NDST3: variants seen among roughly 807,000 people sequenced by gnomAD.
NDST3 encodes the protein bifunctional heparan sulfate N-deacetylase/N-sulfotransferase 3.
NDST3 carries 58 observed loss-of-function variants against 96.1 expected under a neutral mutation model. The observed-to-expected ratio is 0.60, with a 90% CI of 0.49 to 0.75. The LOEUF (loss-of-function observed/expected upper bound fraction) is 0.75, where lower values mean the gene tolerates loss of function less well. NDST3 is among the 30% of genes least tolerant of loss of function. The probability of loss-of-function intolerance (pLI) is 0.00; values close to 1 mark genes in which losing one functional copy is unlikely to be tolerated. For synonymous variants in NDST3, 333 were observed against 359.7 expected (o/e 0.93, Z 0.84); for missense variants, 788 against 1,034.2 (o/e 0.76, Z 3.27).
chr4:118,065,028 A>G (rs1296803131), intron 2 of NDST3, among the ~76,000 whole-genome samples: 1 of 152,132 alleles, frequency 6.6e-6, no homozygotes, highest in East Asian at 1.9e-4. Flanking sequence ...GCCCACCTGG[A>G]TAATCCAGAA....
chr4:118,105,132 A>C, intron 3 of NDST3, 27 bp downstream of exon 3: 2 of 1,541,626 alleles, frequency 1.3e-6, no homozygotes, highest in Non-Finnish European at 9.0e-7. Context: ...AACTGTTCTC[A>C]TTAAGGCTTC....
chr4:118,226,385 A>G (rs796455985), intron 7 of NDST3, among the ~76,000 whole-genome samples: 1 of 152,278 alleles, frequency 6.6e-6, no homozygotes, highest in African/African-American at 2.4e-5. Flanking sequence ...ACATTTATCA[A>G]CCTTTGACGG....
chr4:118,135,282 A>G (rs1236454460), intron 4 of NDST3, among the ~76,000 whole-genome samples: 1 of 152,122 alleles, frequency 6.6e-6, no homozygotes, highest in Non-Finnish European at 1.5e-5. Context: ...AGTGGGGTAG[A>G]AGTCAGAGTT....
At chr4:118,192,094 A>C (rs1460217617) in intron 6 of NDST3, among the ~76,000 whole-genome samples, 2 of 152,184 alleles carry the variant, frequency 1.3e-5, no homozygotes, top group Non-Finnish European at 2.9e-5. Context: ...CCTTTGAGAA[A>C]TGTCTTTTCA....
At chr4:118,174,324 C>T (rs753853916) in intron 6 of NDST3, among the ~76,000 whole-genome samples, 4 of 152,092 alleles carry the variant, frequency 2.6e-5, no homozygotes, top group Non-Finnish European at 5.9e-5. Flanking sequence ...AAAAAAGGAG[C>T]TCAAGCTTTA....
intron 2 of NDST3, among the ~76,000 whole-genome samples, chr4:118,087,812 G>A (rs757353058): frequency 6.6e-6 from 1 of 152,076 alleles, no homozygotes; most frequent in Non-Finnish European, 1.5e-5. Context: ...CTCCCAAGGA[G>A]AGACAGTTCC....
intron 6 of NDST3, among the ~76,000 whole-genome samples, chr4:118,159,513 C>G (rs755531953): frequency 2.6e-5 from 4 of 151,930 alleles, no homozygotes; most frequent in South Asian, 2.1e-4. Context: ...ATGCACAGAC[C>G]ACAACAAAAG....
intron 3 of NDST3, among the ~76,000 whole-genome samples, chr4:118,107,140 C>G (rs1237792847): frequency 1.3e-5 from 2 of 151,978 alleles, no homozygotes; most frequent in Admixed American, 1.3e-4. Flanking sequence ...AATTAGCACC[C>G]AGTATTGAAA....
At chr4:118,175,847 T>C (rs892182634) in intron 6 of NDST3, among the ~76,000 whole-genome samples, 4 of 152,128 alleles carry the variant, frequency 2.6e-5, no homozygotes, top group African/African-American at 9.7e-5. Flanking sequence ...AGAAGAGACT[T>C]TATGTAAATG....
intron 6 of NDST3, among the ~76,000 whole-genome samples, chr4:118,153,877 A>C (rs1177369734): frequency 6.6e-6 from 1 of 152,174 alleles, no homozygotes; most frequent in Non-Finnish European, 1.5e-5. Context: ...TGATCTTCTC[A>C]ATGGGAAAAG....
chr4:118,082,025 A>T (rs1330964299), intron 2 of NDST3, among the ~76,000 whole-genome samples: 1 of 152,148 alleles, frequency 6.6e-6, no homozygotes, highest in Non-Finnish European at 1.5e-5. Flanking sequence ...TATATTTATT[A>T]GTTTTCCATG....
intron 2 of NDST3, among the ~76,000 whole-genome samples, chr4:118,082,690 C>G (rs1242288463): frequency 1.3e-5 from 2 of 152,108 alleles, no homozygotes; most frequent in African/African-American, 4.8e-5. Flanking sequence ...AGCAAAGGCA[C>G]TAAGTGTCTC....
chr4:118,245,695 A>C (rs1465252542), intron 12 of NDST3, among the ~76,000 whole-genome samples: 1 of 152,216 alleles, frequency 6.6e-6, no homozygotes, highest in African/African-American at 2.4e-5. Context: ...CTGAGTAGGG[A>C]AAAGAAAAAA....
chr4:118,197,806 T>G (rs1431574109), intron 6 of NDST3, among the ~76,000 whole-genome samples: 1 of 146,058 alleles, frequency 6.8e-6, no homozygotes, highest in Non-Finnish European at 1.5e-5. Flanking sequence ...CTTTTGGCTT[T>G]TTTTTTTTTT....
At chr4:118,218,150 C>G (rs985647178) in intron 6 of NDST3, among the ~76,000 whole-genome samples, 10 of 152,108 alleles carry the variant, frequency 6.6e-5, no homozygotes, top group Admixed American at 3.9e-4. Flanking sequence ...TGAAACTATT[C>G]CAAACAATTG....
At chr4:118,158,087 A>C (rs1734834022) in intron 6 of NDST3, among the ~76,000 whole-genome samples, 1 of 152,202 alleles carries the variant, frequency 6.6e-6, no homozygotes, top group Admixed American at 6.5e-5. Flanking sequence ...TATGGAAAGA[A>C]GGATAATAAG....
chr4:118,104,035 A>G (rs143165072), intron 2 of NDST3, among the ~76,000 whole-genome samples: 42 of 152,302 alleles, frequency 2.8e-4, no homozygotes, highest in African/African-American at 1.0e-3. Flanking sequence ...AGTTGGGACC[A>G]TAAACATGAT....
At chr4:118,198,763 C>CT (rs149648196) in intron 6 of NDST3, among the ~76,000 whole-genome samples, 4 of 151,084 alleles carry the variant, frequency 2.6e-5, no homozygotes, top group African/African-American at 7.3e-5. Context: ...AATCCCTCAA[C>CT]TTTTTTTTTG....
At chr4:118,247,444 C>G (rs1459399079) in intron 12 of NDST3, among the ~76,000 whole-genome samples, 2 of 151,904 alleles carry the variant, frequency 1.3e-5, no homozygotes, top group Non-Finnish European at 2.9e-5. Flanking sequence ...CCCAGCTACT[C>G]CAGAGGCTGA....
Sources: allele counts gnomAD v4.1 joint callset (sites outside exome capture counted in the v4.1 genomes callset), GRCh38; gene constraint gnomAD v4.1.1; transcripts MANE v1.5; gene names NCBI Gene and HGNC (gene_info 2026-07-23, HGNC 2026-07-21).